Variants in LRMDA observed in about 807,000 individuals in gnomAD.
LRMDA encodes leucine-rich melanocyte differentiation-associated protein.
In LRMDA, 18 loss-of-function variants were observed where a neutral mutation model predicts 29.8. The ratio of observed to expected loss-of-function variants is 0.60; its 90% CI spans 0.42 to 0.90. The LOEUF is 0.90. Ranked by LOEUF, LRMDA falls within the 40% of genes least tolerant of loss-of-function variation. LRMDA has a pLI of 0.00. For synonymous variants in LRMDA, 125 were observed against 109.4 expected (o/e 1.14, Z -0.89); for missense variants, 273 against 273.9 (o/e 1.00, Z 0.02).
At chr10:75,828,839 T>C (rs1251946562) in intron 2 of LRMDA, among the ~76,000 whole-genome samples, 4 of 152,226 alleles carry the variant, frequency 2.6e-5, no homozygotes, top group Non-Finnish European at 4.4e-5. Context: ...CTTGAATCTC[T>C]TTTTATTATA....
chr10:76,009,200 C>T (rs990242527), intron 2 of LRMDA, among the ~76,000 whole-genome samples: 6 of 152,184 alleles, frequency 3.9e-5, no homozygotes, highest in Admixed American at 6.5e-5. Context: ...ACACCCCTTT[C>T]TGCCAAGGTA....
At chr10:75,706,732 C>CTTT (rs61099708) in intron 2 of LRMDA, among the ~76,000 whole-genome samples, 5,518 of 126,156 alleles carry the variant, frequency 0.044, 372 homozygotes, top group African/African-American at 0.13. Context: ...ATTGGTACCA[C>CTTT]TTTTTTTTTT....
At chr10:75,982,106 C>G (rs995268808) in intron 2 of LRMDA, among the ~76,000 whole-genome samples, 5 of 152,186 alleles carry the variant, frequency 3.3e-5, no homozygotes. Context: ...CCAGTGAATG[C>G]CACCCTCAAC....
At chr10:75,832,810 T>C (rs1016322812) in intron 2 of LRMDA, among the ~76,000 whole-genome samples, 1 of 152,168 alleles carries the variant, frequency 6.6e-6, no homozygotes, top group South Asian at 2.1e-4. Flanking sequence ...GCAGAGAAAC[T>C]TCTGTTTTTA....
chr10:76,012,861 T>C (rs1009217242), intron 2 of LRMDA, among the ~76,000 whole-genome samples: 1 of 152,150 alleles, frequency 6.6e-6, no homozygotes, highest in African/African-American at 2.4e-5. Flanking sequence ...TCAGGAGCGA[T>C]AGTAAAAACC....
At chr10:75,775,857 A>G (rs982552756) in intron 2 of LRMDA, among the ~76,000 whole-genome samples, 3 of 152,192 alleles carry the variant, frequency 2.0e-5, no homozygotes, top group Non-Finnish European at 2.9e-5. Context: ...AGACCTGGAA[A>G]CATGACAAGT....
At chr10:75,924,928 G>C (rs927067771) in intron 2 of LRMDA, among the ~76,000 whole-genome samples, 7 of 152,198 alleles carry the variant, frequency 4.6e-5, no homozygotes, top group Admixed American at 1.3e-4. Context: ...TGATTTAAGA[G>C]AGTCACATGC....
At chr10:76,098,661 C>T (rs1013777139) in intron 5 of LRMDA, among the ~76,000 whole-genome samples, 44 of 151,996 alleles carry the variant, frequency 2.9e-4, no homozygotes, top group Non-Finnish European at 2.2e-4. Context: ...ACTAATGTAA[C>T]CGCCCAGCAG....
At chr10:76,420,516 G>A (rs547298667) in intron 6 of LRMDA, among the ~76,000 whole-genome samples, 11 of 151,858 alleles carry the variant, frequency 7.2e-5, no homozygotes, top group Admixed American at 6.6e-4. Flanking sequence ...CTGTTTTAAT[G>A]TACATTTATT....
intron 2 of LRMDA, among the ~76,000 whole-genome samples, chr10:76,026,006 A>G (rs1024890038): frequency 6.6e-6 from 1 of 152,116 alleles, no homozygotes; most frequent in Non-Finnish European, 1.5e-5. Flanking sequence ...ATAGAGGTGT[A>G]CCCCAAGGGG....
intron 2 of LRMDA, among the ~76,000 whole-genome samples, chr10:75,923,676 G>A (rs904576191): frequency 6.6e-5 from 10 of 152,132 alleles, no homozygotes; most frequent in African/African-American, 2.4e-4. Context: ...TGTTGCTCAT[G>A]CATGGAAGAG....
At chr10:76,133,585 A>C (rs1240424297) in intron 5 of LRMDA, among the ~76,000 whole-genome samples, 2 of 152,202 alleles carry the variant, frequency 1.3e-5, no homozygotes, top group African/African-American at 4.8e-5. Flanking sequence ...ACTCTGCTTA[A>C]AACAAACAAG....
intron 2 of LRMDA, among the ~76,000 whole-genome samples, chr10:75,650,654 C>T (rs749461803): frequency 2.6e-5 from 4 of 152,042 alleles, no homozygotes; most frequent in South Asian, 2.1e-4. Flanking sequence ...ATAGTATTGG[C>T]GATTTTAAAG....
Position 76,290,169 on chromosome 10 carries a change from A to G in LRMDA, c.517-34232A>G, listed in dbSNP as rs78884473. ...TTTTAGGGTATCCTAAATACTCCCA[A>G]ACTTTATTGTTACAATCTCTTTAAT... is the stretch of plus-strand genomic sequence containing the variant. On this transcript the variant is annotated intron_variant, in intron 5 of 6. Transcript: ENST00000611255. Among the ~76,000 whole-genome samples, 520 of 152,244 alleles carry G rather than the reference A, an allele frequency of 3.4e-3. 26 individuals carry two copies. The East Asian group carries it at 0.077, about 22-fold the overall frequency.
At chr10:75,943,548 A>C (rs1846429731) in intron 2 of LRMDA, among the ~76,000 whole-genome samples, 2 of 152,214 alleles carry the variant, frequency 1.3e-5, no homozygotes, top group African/African-American at 4.8e-5. Flanking sequence ...TGGAATTATC[A>C]TGGATTTCCT....
chr10:76,124,789 A>G (rs956190851), intron 5 of LRMDA, among the ~76,000 whole-genome samples: 6 of 152,212 alleles, frequency 3.9e-5, no homozygotes, highest in Non-Finnish European at 7.3e-5. Context: ...CAGTTTCACC[A>G]TTTGGACAGT....
chr10:75,658,600 G>A (rs918210218), intron 2 of LRMDA, among the ~76,000 whole-genome samples: 13 of 152,138 alleles, frequency 8.5e-5, no homozygotes, highest in African/African-American at 3.1e-4. Flanking sequence ...GAGGATTTCT[G>A]CAGAAAGAAC....
chr10:76,027,721 T>C (rs2132498026), intron 2 of LRMDA, among the ~76,000 whole-genome samples: 1 of 152,314 alleles, frequency 6.6e-6, no homozygotes, highest in African/African-American at 2.4e-5. Context: ...AAAATTTGTG[T>C]GGAAAATGGT....
At chr10:76,248,298 T>G (rs1200360759) in intron 5 of LRMDA, among the ~76,000 whole-genome samples, 1 of 152,216 alleles carries the variant, frequency 6.6e-6, no homozygotes, top group Non-Finnish European at 1.5e-5. Context: ...GTCTGAAATA[T>G]TGATAGTGTT....
Sources: allele counts gnomAD v4.1 joint callset (sites outside exome capture counted in the v4.1 genomes callset), GRCh38; gene constraint gnomAD v4.1.1; transcripts MANE v1.5; gene names NCBI Gene and HGNC (gene_info 2026-07-23, HGNC 2026-07-21).